SPATA6: variants seen among roughly 807,000 people sequenced by gnomAD.
SPATA6 encodes the protein spermatogenesis-associated protein 6.
SPATA6 carries 56 observed loss-of-function variants against 65.3 expected under a neutral mutation model. The observed-to-expected ratio is 0.86, with a 90% CI of 0.69 to 1.07. SPATA6 has a LOEUF of 1.07. SPATA6 is among the 50% of genes least tolerant of loss of function. The pLI is 0.00. For missense variants in SPATA6, 590 were observed against 594.8 expected, an observed-to-expected ratio of 0.99 and a Z score of 0.08; for synonymous variants, 199 against 213.2, an observed-to-expected ratio of 0.93 and a Z score of 0.58.
At chr1:48,373,066 C>T (rs1166058035) in intron 9 of SPATA6, among the ~76,000 whole-genome samples, 2 of 152,208 alleles carry the variant, frequency 1.3e-5, no homozygotes, top group Non-Finnish European at 2.9e-5. Flanking sequence ...CACTAGGCTC[C>T]TTGCTACTTA....
chr1:48,460,731 A>G (rs1425669403), intron 1 of SPATA6, among the ~76,000 whole-genome samples: 2 of 59,620 alleles, frequency 3.4e-5, no homozygotes, highest in African/African-American at 6.8e-5. Flanking sequence ...TATAAAGTCA[A>G]TATATACCGG....
chr1:48,362,734 C>G (rs1447657367), intron 9 of SPATA6, among the ~76,000 whole-genome samples: 1 of 151,808 alleles, frequency 6.6e-6, no homozygotes, highest in African/African-American at 2.4e-5. Context: ...GAATCGAAAT[C>G]AAAGCCATAA....
chr1:48,426,884 A>G (rs1038255449), intron 3 of SPATA6, among the ~76,000 whole-genome samples: 3 of 152,078 alleles, frequency 2.0e-5, no homozygotes, highest in African/African-American at 7.2e-5. Context: ...GTAAGATGAT[A>G]TAAATCAGGA....
At chr1:48,276,871 G>C in the SPATA6 span, among the ~76,000 whole-genome samples, 45 of 152,250 alleles carry the variant, frequency 3.0e-4, no homozygotes, top group Non-Finnish European at 4.4e-4. Context: ...CTGAATTCAA[G>C]TCCTGAATAT....
chr1:48,447,003 G>C (rs1329553209), intron 3 of SPATA6, among the ~76,000 whole-genome samples: 6 of 151,930 alleles, frequency 3.9e-5, no homozygotes, highest in African/African-American at 1.5e-4. Context: ...GCTAACATGA[G>C]GATGATGATG....
At chr1:48,283,727 T>G in the SPATA6 span, among the ~76,000 whole-genome samples, 1 of 40,102 alleles carries the variant, frequency 2.5e-5, no homozygotes, top group South Asian at 8.7e-4. Flanking sequence ...GAAAGAAAAT[T>G]CTTTTCTTTA....
At chr1:48,449,514 T>A (rs1656362665) in intron 3 of SPATA6, among the ~76,000 whole-genome samples, 1 of 152,186 alleles carries the variant, frequency 6.6e-6, no homozygotes, top group Admixed American at 6.5e-5. Context: ...AACAACATTT[T>A]AAGGAAGCAA....
intron 3 of SPATA6, among the ~76,000 whole-genome samples, chr1:48,427,031 T>A (rs1177407359): frequency 6.6e-6 from 1 of 151,996 alleles, no homozygotes; most frequent in East Asian, 1.9e-4. Flanking sequence ...GCTCAAGTGA[T>A]CCTCTGACCT....
chr1:48,471,833 G>A (rs1454899508), intron 1 of SPATA6, 125 bp downstream of exon 1: 1 of 1,160,722 alleles, frequency 8.6e-7, no homozygotes. Context: ...AGGGGCGTGA[G>A]GTCGACGCTC....
At chr1:48,364,223 C>T (rs77747069) in intron 9 of SPATA6, among the ~76,000 whole-genome samples, 2 of 151,998 alleles carry the variant, frequency 1.3e-5, no homozygotes, top group African/African-American at 2.4e-5. Context: ...TGGGTTGGTT[C>T]CAAGTCTTTG....
At chr1:48,352,176 A>G (rs545450419) in intron 11 of SPATA6, among the ~76,000 whole-genome samples, 2 of 152,202 alleles carry the variant, frequency 1.3e-5, no homozygotes, top group Admixed American at 1.3e-4. Flanking sequence ...GATCTTATGC[A>G]GAGGAACTCC....
chr1:48,449,780 T>TA (rs1455026334), intron 3 of SPATA6, among the ~76,000 whole-genome samples: 1 of 152,236 alleles, frequency 6.6e-6, no homozygotes, highest in Non-Finnish European at 1.5e-5. Flanking sequence ...TTAGGTGTGA[T>TA]ACCAGCATGG....
At chr1:48,272,102 C>T in the SPATA6 span, among the ~76,000 whole-genome samples, 4 of 152,010 alleles carry the variant, frequency 2.6e-5, no homozygotes, top group South Asian at 2.1e-4. Flanking sequence ...CATAACTTGA[C>T]GTTTTGATAT....
At chr1:48,430,795 A>G (rs1166697230) in intron 3 of SPATA6, among the ~76,000 whole-genome samples, 2 of 152,190 alleles carry the variant, frequency 1.3e-5, no homozygotes, top group African/African-American at 2.4e-5. Context: ...AATGAGACAG[A>G]AACTTAAACA....
chr1:48,430,128 A>C (rs1654262526), intron 3 of SPATA6, among the ~76,000 whole-genome samples: 1 of 152,170 alleles, frequency 6.6e-6, no homozygotes, highest in Admixed American at 6.5e-5. Context: ...AATAAATGTA[A>C]ATATTCAAGA....
At chr1:48,444,839 G>T (rs1223822396) in intron 3 of SPATA6, among the ~76,000 whole-genome samples, 2 of 152,136 alleles carry the variant, frequency 1.3e-5, no homozygotes, top group African/African-American at 4.8e-5. Context: ...CCCACCAGAA[G>T]AAACCAACTC....
chr1:48,321,184 A>G (rs1645588741), intron 11 of SPATA6, among the ~76,000 whole-genome samples: 1 of 152,156 alleles, frequency 6.6e-6, no homozygotes, highest in African/African-American at 2.4e-5. Context: ...ACACTGAATG[A>G]AAATGGACAG....
intron 11 of SPATA6, among the ~76,000 whole-genome samples, chr1:48,350,205 C>A (rs778634548): frequency 4.0e-5 from 6 of 150,790 alleles, no homozygotes; most frequent in Non-Finnish European, 8.9e-5. Context: ...TTAATGTGTT[C>A]TTTTGGTGAA....
chr1:48,345,048 C>A (rs542549612), intron 11 of SPATA6, among the ~76,000 whole-genome samples: 1 of 152,114 alleles, frequency 6.6e-6, no homozygotes. Flanking sequence ...GAACTCTACT[C>A]CCAAAAACAA....
Sources: allele counts gnomAD v4.1 joint callset (sites outside exome capture counted in the v4.1 genomes callset), GRCh38; gene constraint gnomAD v4.1.1; transcripts MANE v1.5; gene names NCBI Gene and HGNC (gene_info 2026-07-23, HGNC 2026-07-21).